The following RBFOX1 variants were observed in gnomAD, a reference collection of about 807,000 sequenced individuals.
The protein encoded by RBFOX1 is RNA binding fox-1 homolog 1.
Under a neutral mutation model 57.7 loss-of-function variants are expected in RBFOX1, and 8 were observed. The ratio of observed to expected loss-of-function variants is 0.14; its 90% CI spans 0.08 to 0.25. The LOEUF is 0.25. Among genes scored for constraint, RBFOX1 ranks in the 10% least tolerant of loss-of-function variants. The pLI is 1.00. For missense variants in RBFOX1, 611 were observed against 548.5 expected (o/e 1.11, Z -1.14); for synonymous variants, 326 against 222.4 (o/e 1.47, Z -4.15).
chr16:7,018,945 C>T (rs1042044332), intron 3 of RBFOX1, among the ~76,000 whole-genome samples: 4 of 151,938 alleles, frequency 2.6e-5, no homozygotes, highest in Non-Finnish European at 5.9e-5. Flanking sequence ...ACAGTGAGAC[C>T]TCGTCTCTAC....
chr16:5,817,917 C>T (rs374001343), intron 3 of RBFOX1, among the ~76,000 whole-genome samples: 1 of 151,942 alleles, frequency 6.6e-6, no homozygotes, highest in Non-Finnish European at 1.5e-5. Flanking sequence ...GTCTCGATCT[C>T]CTGACCTCAT....
At chr16:7,553,582 C>T (rs1261230303) in intron 5 of RBFOX1, among the ~76,000 whole-genome samples, 1 of 152,178 alleles carries the variant, frequency 6.6e-6, no homozygotes, top group Non-Finnish European at 1.5e-5. Context: ...ATACATATGG[C>T]AAAATTTCAA....
At chr16:6,735,088 C>A (rs141977947) in intron 3 of RBFOX1, among the ~76,000 whole-genome samples, 1 of 152,006 alleles carries the variant, frequency 6.6e-6, no homozygotes, top group Non-Finnish European at 1.5e-5. Context: ...AAGGCTTCAG[C>A]GAGCCATGAT....
chr16:6,920,142 C>G (rs760096806), intron 3 of RBFOX1, among the ~76,000 whole-genome samples: 12 of 152,158 alleles, frequency 7.9e-5, no homozygotes, highest in African/African-American at 2.2e-4. Context: ...GAGTCATATT[C>G]TATGGTGTAG....
intron 4 of RBFOX1, among the ~76,000 whole-genome samples, chr16:7,077,085 C>T (rs1268844052): frequency 2.0e-5 from 3 of 152,192 alleles, no homozygotes; most frequent in African/African-American, 7.2e-5. Flanking sequence ...GCACAGACTT[C>T]TCCTGATGCA....
chr16:6,942,321 C>T (rs1203314586), intron 3 of RBFOX1, among the ~76,000 whole-genome samples: 1 of 152,142 alleles, frequency 6.6e-6, no homozygotes, highest in Non-Finnish European at 1.5e-5. Context: ...GCACACACCA[C>T]CACGCTCAGC....
intron 9 of RBFOX1, 129 bp downstream of exon 9, chr16:7,597,560 G>T (rs2094770595): frequency 2.7e-6 from 2 of 735,476 alleles, no homozygotes; most frequent in Non-Finnish European, 4.3e-6. Context: ...CTACTGACCT[G>T]CTACAGTGAA....
At chr16:6,679,093 G>T (rs927470741) in intron 3 of RBFOX1, among the ~76,000 whole-genome samples, 1 of 152,064 alleles carries the variant, frequency 6.6e-6, no homozygotes, top group Non-Finnish European at 1.5e-5. Flanking sequence ...GAGAGAGAGG[G>T]CAAGCAAGCT....
chr16:6,370,190 C>T (rs760146953), intron 2 of RBFOX1, among the ~76,000 whole-genome samples: 19 of 151,630 alleles, frequency 1.3e-4, no homozygotes, highest in Non-Finnish European at 4.4e-5. Flanking sequence ...AAACCTGTCT[C>T]TACTAAAAAT....
At chr16:6,354,259 A>AT in intron 2 of RBFOX1, among the ~76,000 whole-genome samples, 1 of 151,726 alleles carries the variant, frequency 6.6e-6, no homozygotes, top group African/African-American at 2.4e-5. Flanking sequence ...AGATATATAT[A>AT]AAAAAAATAG....
At chr16:5,617,743 G>C (rs1596474099) in intron 3 of RBFOX1, among the ~76,000 whole-genome samples, 1 of 152,142 alleles carries the variant, frequency 6.6e-6, no homozygotes, top group East Asian at 1.9e-4. Context: ...CTAAGCTAAT[G>C]CTGTGAACGG....
intron 4 of RBFOX1, among the ~76,000 whole-genome samples, chr16:7,387,514 A>G (rs1261008574): frequency 2.0e-5 from 3 of 152,226 alleles, no homozygotes; most frequent in Non-Finnish European, 4.4e-5. Flanking sequence ...GTTTCTTATC[A>G]AAATTGCACA....
chr16:7,513,211 C>T (rs111228243), intron 4 of RBFOX1, among the ~76,000 whole-genome samples: 8,630 of 151,776 alleles, frequency 0.057, 291 homozygotes, highest in East Asian at 0.12. Flanking sequence ...TGCAGTGAGC[C>T]GAGAGCCTAC....
intron 3 of RBFOX1, among the ~76,000 whole-genome samples, chr16:6,742,639 T>G (rs1376079401): frequency 6.6e-6 from 1 of 152,206 alleles, no homozygotes; most frequent in East Asian, 1.9e-4. Context: ...TACTGTGAAC[T>G]ACTATTCAGC....
chr16:7,072,028 T>C lies in RBFOX1; in HGVS notation c.27+19930T>C, dbSNP rs190126236. Among the ~76,000 whole-genome samples, 661 of 152,300 alleles carry C rather than the reference T, an allele frequency of 4.3e-3. 4 individuals are homozygous for C. The highest frequency in any genetic ancestry group is 0.015 in the African/African-American group (620 of 41,570). ...ACTCTCGCAAACCTACTCGAAGTCA[T>C]AACGATTTCTAAACTAGATTATTTC... On this transcript the variant is annotated intron_variant, in intron 4 of 15. Coordinates refer to ENST00000550418, the MANE Select transcript of RBFOX1 (RefSeq NM_018723.4).
intron 2 of RBFOX1, among the ~76,000 whole-genome samples, chr16:5,532,893 T>C (rs893826787): frequency 2.6e-5 from 4 of 152,194 alleles, no homozygotes; most frequent in African/African-American, 7.2e-5. Flanking sequence ...CTGGAGACCC[T>C]GATGGAGATG....
chr16:6,937,590 A>C (rs1432341998), intron 3 of RBFOX1, among the ~76,000 whole-genome samples: 1 of 152,156 alleles, frequency 6.6e-6, no homozygotes, highest in Non-Finnish European at 1.5e-5. Flanking sequence ...GATGTGAGGC[A>C]TTAATCAAAT....
At chr16:7,589,760 C>G (rs1602639187) in intron 7 of RBFOX1, among the ~76,000 whole-genome samples, 1 of 152,056 alleles carries the variant, frequency 6.6e-6, no homozygotes, top group Non-Finnish European at 1.5e-5. Flanking sequence ...GAAACCTGAA[C>G]TGTTGCTATG....
chr16:6,831,339 T>G (rs1337784685), intron 3 of RBFOX1, among the ~76,000 whole-genome samples: 2 of 152,228 alleles, frequency 1.3e-5, no homozygotes, highest in African/African-American at 4.8e-5. Flanking sequence ...TCCAATGTCT[T>G]ATTAGATGAT....
Sources: gnomAD v4.1 joint callset for allele counts (sites outside exome capture counted in the v4.1 genomes callset) on GRCh38, gnomAD v4.1.1 for gene constraint, MANE v1.5 for transcripts, NCBI Gene and HGNC (gene_info 2026-07-23, HGNC 2026-07-21) for gene names.